GRID1: variants seen among roughly 807,000 people sequenced by gnomAD.
GRID1 encodes the protein glutamate ionotropic receptor delta type subunit 1, also known as glutamate receptor ionotropic, delta-1.
In GRID1, 28 loss-of-function variants were observed where a neutral mutation model predicts 98.0. The ratio of observed to expected loss-of-function variants is 0.29; its 90% confidence interval spans 0.21 to 0.39. The LOEUF (loss-of-function observed/expected upper bound fraction) is 0.39, where lower values mean the gene tolerates loss of function less well. Among genes scored for constraint, GRID1 ranks in the 10% least tolerant of loss-of-function variants. The probability of loss-of-function intolerance (pLI) is 1.00; values close to 1 mark genes in which losing one functional copy is unlikely to be tolerated. For missense variants in GRID1, 1,111 were observed against 1,340.5 expected, an observed-to-expected ratio of 0.83 and a Z score of 2.67; for synonymous variants, 553 against 538.5, an observed-to-expected ratio of 1.03 and a Z score of -0.37.
chr10:86,104,919 C>A (rs530517210), intron 4 of GRID1, among the ~76,000 whole-genome samples: 1 of 152,306 alleles, frequency 6.6e-6, no homozygotes, highest in Non-Finnish European at 1.5e-5. Flanking sequence ...GAGCAGGAAG[C>A]CAGTGAAGCC....
intron 12 of GRID1, among the ~76,000 whole-genome samples, chr10:85,706,767 T>G (rs1380417699): frequency 2.0e-5 from 3 of 152,160 alleles, no homozygotes; most frequent in African/African-American, 4.8e-5. Context: ...AACAGAGATA[T>G]AGATCAATGG....
intron 13 of GRID1, among the ~76,000 whole-genome samples, chr10:85,643,419 A>C (rs1375654547): frequency 6.6e-6 from 1 of 152,194 alleles, no homozygotes; most frequent in Non-Finnish European, 1.5e-5. Flanking sequence ...CTTAGGGCAC[A>C]GCCATCTCCA....
At chr10:85,953,903 C>A (rs183753082) in intron 4 of GRID1, among the ~76,000 whole-genome samples, 2 of 152,220 alleles carry the variant, frequency 1.3e-5, no homozygotes, top group Admixed American at 1.3e-4. Context: ...AGCTTTTTCC[C>A]CTAAGCCTCA....
chr10:85,666,540 G>T (rs1395227683), intron 12 of GRID1, among the ~76,000 whole-genome samples: 3 of 152,220 alleles, frequency 2.0e-5, no homozygotes, highest in African/African-American at 7.2e-5. Flanking sequence ...TTTAGTTGAG[G>T]TTGGCTTGTA....
intron 4 of GRID1, among the ~76,000 whole-genome samples, chr10:85,968,504 A>G (rs1450160282): frequency 6.6e-6 from 1 of 151,584 alleles, no homozygotes; most frequent in African/African-American, 2.4e-5. Context: ...TTAAATCTGT[A>G]TTGACAGGCT....
At chr10:86,275,933 A>T (rs1847262738) in intron 2 of GRID1, among the ~76,000 whole-genome samples, 1 of 152,202 alleles carries the variant, frequency 6.6e-6, no homozygotes, top group Non-Finnish European at 1.5e-5. Flanking sequence ...AGTTCAGTGA[A>T]CTCCAAGTAA....
At chr10:86,072,867 C>T (rs938182283) in intron 4 of GRID1, among the ~76,000 whole-genome samples, 3 of 152,232 alleles carry the variant, frequency 2.0e-5, no homozygotes, top group Admixed American at 1.3e-4. Flanking sequence ...GTATAGCACA[C>T]GCTAGTGCCT....
chr10:86,280,010 C>T (rs1847334812), intron 2 of GRID1, among the ~76,000 whole-genome samples: 1 of 152,118 alleles, frequency 6.6e-6, no homozygotes, highest in Non-Finnish European at 1.5e-5. Context: ...TGAGACCAGC[C>T]TGGGCAACAT....
At chr10:86,141,502 A>G (rs1374034247) in intron 3 of GRID1, among the ~76,000 whole-genome samples, 1 of 152,202 alleles carries the variant, frequency 6.6e-6, no homozygotes, top group African/African-American at 2.4e-5. Flanking sequence ...CAGCTGGAGG[A>G]CATCTCAGCA....
chr10:85,947,321 G>A lies in GRID1; in HGVS notation c.727-31082C>T, dbSNP rs189222159. Among the ~76,000 whole-genome samples, 94 of 152,356 alleles carry A rather than the reference G, an allele frequency of 6.2e-4. 2 individuals carry two copies. The East Asian group carries it at 0.01, about 17-fold the overall frequency. ...AGGATACACTCCAAGCTGTGAACAC[G>A]GAGCCTGGGACTGGAGGTGGTGTGG... On this transcript the variant is annotated intron_variant, in intron 4 of 15. Transcript: ENST00000327946.
intron 2 of GRID1, among the ~76,000 whole-genome samples, chr10:86,275,580 A>G (rs1428808307): frequency 6.6e-6 from 1 of 152,144 alleles, no homozygotes; most frequent in Non-Finnish European, 1.5e-5. Context: ...AAAGATTAAC[A>G]TTAATTTTTA....
intron 2 of GRID1, among the ~76,000 whole-genome samples, chr10:86,308,855 A>T (rs116260881): frequency 0.027 from 4,095 of 152,196 alleles, 131 homozygotes; most frequent in African/African-American, 0.08. Context: ...ACTCACTCTC[A>T]ATAATGAACC....
intron 4 of GRID1, among the ~76,000 whole-genome samples, chr10:86,080,464 G>GAGGGA (rs1564668795): frequency 1.0e-4 from 3 of 30,072 alleles, no homozygotes; most frequent in African/African-American, 6.3e-4. Context: ...GAGGGGAGGG[G>GAGGGA]AGGGAAGGGA....
chr10:86,333,796 GATC>G (rs1848183883), intron 2 of GRID1, among the ~76,000 whole-genome samples: 1 of 152,166 alleles, frequency 6.6e-6, no homozygotes. Flanking sequence ...TCATCATAAA[GATC>G]ATCATTCTTG....
chr10:85,960,101 G>C (rs375879482), intron 4 of GRID1, among the ~76,000 whole-genome samples: 38 of 152,076 alleles, frequency 2.5e-4, no homozygotes, highest in African/African-American at 8.4e-4. Context: ...GTAGAGACAG[G>C]GTTGGCCAGG....
At chr10:86,103,384 CCCTGTGAG>C (rs947064822) in intron 4 of GRID1, among the ~76,000 whole-genome samples, 51 of 152,338 alleles carry the variant, frequency 3.3e-4, no homozygotes, top group African/African-American at 1.2e-3. Context: ...CTCAGTCATT[CCCTGTGAG>C]CCTGTGATGA....
At chr10:86,034,737 G>T (rs1054899055) in intron 4 of GRID1, among the ~76,000 whole-genome samples, 1 of 151,996 alleles carries the variant, frequency 6.6e-6, no homozygotes, top group Admixed American at 6.6e-5. Flanking sequence ...CCTCATTGGC[G>T]TGTGAGAGTT....
intron 2 of GRID1, among the ~76,000 whole-genome samples, chr10:86,239,146 C>CAGGCAA (rs1846586956): frequency 6.6e-6 from 1 of 152,242 alleles, no homozygotes; most frequent in Non-Finnish European, 1.5e-5. Flanking sequence ...CGAGCCCACC[C>CAGGCAA]TTTGTATTAG....
chr10:85,599,668 AG>A lies in GRID1; in HGVS notation c.*2604del, dbSNP rs1227996100. 1.3e-5 allele frequency: 2 copies of A among 151,500 alleles called. No individual in the cohort carries two copies. Among genetic ancestry groups the A allele is most frequent in the East Asian group, 3.9e-4 (2 of 5,152 alleles). The allele number at this position is 151,500 out of a possible 1,614,324, so 9.4% of individuals were successfully genotyped here. A position where few individuals can be genotyped will look rare whatever the true frequency, so the allele number is the denominator to read the frequency against. ...ACAGAGTTATAAATCCAAAGAGCAA[AG>A]CATGAAAAAAAGATACATTCTGAGC... is the stretch of plus-strand genomic sequence containing the variant. On this transcript the variant is annotated 3_prime_UTR_variant, in exon 16 of 16. Coordinates refer to ENST00000327946, the MANE Select transcript of GRID1 (RefSeq NM_017551.3).
Sources: gnomAD v4.1 joint callset for allele counts (sites outside exome capture counted in the v4.1 genomes callset) on GRCh38, gnomAD v4.1.1 for gene constraint, MANE v1.5 for transcripts, NCBI Gene and HGNC (gene_info 2026-07-23, HGNC 2026-07-21) for gene names.